TFCP2: variants seen among roughly 807,000 people sequenced by gnomAD.
TFCP2 encodes alpha-globin transcription factor CP2.
A neutral mutation model predicts 73.4 loss-of-function variants in TFCP2; 33 were observed. The ratio of observed to expected loss-of-function variants is 0.45; its 90% CI spans 0.34 to 0.60. The LOEUF is 0.60. Among genes scored for constraint, TFCP2 ranks in the 20% least tolerant of loss-of-function variants. The pLI, the probability that TFCP2 is intolerant of heterozygous loss-of-function variation, is 0.01. For missense variants in TFCP2, 352 were observed against 604.0 expected (o/e 0.58, Z 4.37); for synonymous variants, 193 against 211.6 (o/e 0.91, Z 0.76).
chr12:51,134,124 T>C (rs1414862913), intron 1 of TFCP2, among the ~76,000 whole-genome samples: 1 of 152,166 alleles, frequency 6.6e-6, no homozygotes, highest in Admixed American at 6.5e-5. Context: ...TCCTCCATCT[T>C]GTCACATGTT....
At chr12:51,120,537 T>C (rs1333017918) in intron 1 of TFCP2, among the ~76,000 whole-genome samples, 1 of 152,036 alleles carries the variant, frequency 6.6e-6, no homozygotes, top group African/African-American at 2.4e-5. Context: ...TGCTACGTGG[T>C]TGTAACTGTA....
rs920707811 is a variant in TFCP2, at chr12:51,172,477, G to A, written c.-55C>T. On this transcript the variant is annotated 5_prime_UTR_variant, in exon 1 of 15. Coordinates refer to ENST00000257915, the MANE Select transcript of TFCP2 (RefSeq NM_005653.5). ...CGTGTCTTGTACAAAGGCGCGGAGG[G>A]TAATTCTACCCAACAGGAGTAACGC... The A allele has an allele frequency of 5.6e-6, 9 of 1,607,982 alleles. No homozygotes were observed. The highest frequency in any genetic ancestry group is 2.2e-5 in the East Asian group (1 of 44,820).
chr12:51,119,687 T>C (rs979508291), intron 1 of TFCP2, among the ~76,000 whole-genome samples: 1 of 150,116 alleles, frequency 6.7e-6, no homozygotes, highest in East Asian at 2.0e-4. Flanking sequence ...GAGGTGGAGG[T>C]TGTAGTGAGC....
At chr12:51,112,188 A>T (rs1940419084) in intron 4 of TFCP2, among the ~76,000 whole-genome samples, 1 of 152,180 alleles carries the variant, frequency 6.6e-6, no homozygotes, top group Non-Finnish European at 1.5e-5. Context: ...TAAATTGAGA[A>T]ATAATAATTG....
intron 1 of TFCP2, chr12:51,125,383 T>C: frequency 4.2e-6 from 2 of 472,660 alleles, no homozygotes; most frequent in South Asian, 3.2e-5. Flanking sequence ...AAACTTACCG[T>C]GGACTCAAAC....
intron 1 of TFCP2, among the ~76,000 whole-genome samples, chr12:51,157,264 C>T (rs552570342): frequency 1.0e-3 from 153 of 152,016 alleles, no homozygotes; most frequent in African/African-American, 3.3e-3. Context: ...TCAAGTGATC[C>T]GCCCACCTCA....
rs184846459 is a variant in TFCP2, at chr12:51,142,020, C to T, written c.123-23248G>A. On this transcript the variant is annotated intron_variant, in intron 1 of 14. Coordinates refer to ENST00000257915, the MANE Select transcript of TFCP2 (RefSeq NM_005653.5). ...GAGTTTGAGACCAGCCTGACTGACA[C>T]GGTGAAACCCCGTCTCTACTAAAAA... Among the ~76,000 whole-genome samples the T allele has an allele frequency of 1.6e-4, 24 of 151,092 alleles. No homozygotes were observed. The East Asian group carries it at 3.3e-3, about 21-fold the overall frequency.
rs1031044440 is a variant in TFCP2, at chr12:51,150,779, G to A, written c.122+21522C>T. Among the ~76,000 whole-genome samples, 32 of 152,336 alleles carry A rather than the reference G, an allele frequency of 2.1e-4. 1 individual carries two copies. The highest frequency in any genetic ancestry group is 3.4e-3 in the Middle Eastern group (1 of 294). On this transcript the variant is annotated intron_variant, in intron 1 of 14. Transcript: ENST00000257915. Reference sequence around the variant, plus strand: ...GATAGTTGCCTCAGGAACTGCTATAGTACTTGCCTTTTTTAAGAAAATGGA... The same window carrying A: ...GATAGTTGCCTCAGGAACTGCTATAATACTTGCCTTTTTTAAGAAAATGGA...
chr12:51,112,821 C>A (rs969623529), intron 4 of TFCP2, among the ~76,000 whole-genome samples: 4 of 144,766 alleles, frequency 2.8e-5, no homozygotes, highest in Non-Finnish European at 6.0e-5. Flanking sequence ...GAGCCGAGAT[C>A]ATGCCATTGT....
At chr12:51,143,406 C>G (rs1014651451) in intron 1 of TFCP2, among the ~76,000 whole-genome samples, 2 of 149,094 alleles carry the variant, frequency 1.3e-5, no homozygotes, top group South Asian at 4.3e-4. Flanking sequence ...TTCCCTTATC[C>G]TCATGTCCCT....
At chr12:51,145,275 G>A (rs1941272072) in intron 1 of TFCP2, among the ~76,000 whole-genome samples, 2 of 151,390 alleles carry the variant, frequency 1.3e-5, no homozygotes, top group African/African-American at 4.9e-5. Flanking sequence ...CCAGCTACCT[G>A]GGAGGCTGAA....
chr12:51,147,804 T>C (rs1941330806), intron 1 of TFCP2, among the ~76,000 whole-genome samples: 1 of 151,938 alleles, frequency 6.6e-6, no homozygotes, highest in South Asian at 2.1e-4. Context: ...GAGACTTAAT[T>C]AAACTAAAAA....
chr12:51,142,282 T>C (rs530091854), intron 1 of TFCP2, among the ~76,000 whole-genome samples: 51 of 146,270 alleles, frequency 3.5e-4, no homozygotes, highest in African/African-American at 1.1e-3. Context: ...TGTGGATGAA[T>C]AGTCAAGACA....
intron 3 of TFCP2, among the ~76,000 whole-genome samples, chr12:51,117,376 A>G (rs1940554642): frequency 6.6e-6 from 1 of 152,200 alleles, no homozygotes; most frequent in South Asian, 2.1e-4. Flanking sequence ...AAAGATCTCA[A>G]GGAGGTTACT....
intron 9 of TFCP2, 74 bp downstream of exon 9, chr12:51,104,081 A>C: frequency 6.9e-7 from 1 of 1,449,894 alleles, no homozygotes; most frequent in East Asian, 2.3e-5. Context: ...AAAGTTGGGC[A>C]TTTCTACTGA....
At chr12:51,167,144 T>G (rs1270313761) in intron 1 of TFCP2, among the ~76,000 whole-genome samples, 1 of 152,086 alleles carries the variant, frequency 6.6e-6, no homozygotes, top group African/African-American at 2.4e-5. Context: ...CCTTTTAGTA[T>G]AAAGTTTGTG....
At chr12:51,126,914 T>C (rs1222301890) in intron 1 of TFCP2, among the ~76,000 whole-genome samples, 2 of 152,092 alleles carry the variant, frequency 1.3e-5, no homozygotes, top group Non-Finnish European at 2.9e-5. Context: ...GTGGGAAGGA[T>C]GTAAGGTCAG....
At chr12:51,120,133 G>A (rs1189443072) in intron 1 of TFCP2, among the ~76,000 whole-genome samples, 2 of 134,496 alleles carry the variant, frequency 1.5e-5, no homozygotes, top group East Asian at 2.1e-4. Context: ...AGCCGAGATC[G>A]TGGCACTGCA....
At position 51,098,936 on chromosome 12, in the gene TFCP2, C is replaced by T. The variant is rs77994694; in HGVS notation, c.1277-18G>A. On this transcript the variant is annotated intron_variant, in intron 12 of 14. Transcript: ENST00000257915. ...ATGGTAAACTGCAAAAGGGAGAGAGCAACAGCAGTCAGTACAAAGTTTGTC... is the reference window on the plus strand; with the variant it reads ...ATGGTAAACTGCAAAAGGGAGAGAGTAACAGCAGTCAGTACAAAGTTTGTC... 2 of 1,613,042 alleles carry T rather than the reference C, an allele frequency of 1.2e-6. No homozygotes were observed. The highest frequency in any genetic ancestry group is 2.2e-5 in the South Asian group (2 of 90,968).
Sources: gnomAD v4.1 joint callset for allele counts (sites outside exome capture counted in the v4.1 genomes callset) on GRCh38, gnomAD v4.1.1 for gene constraint, MANE v1.5 for transcripts, NCBI Gene and HGNC (gene_info 2026-07-23, HGNC 2026-07-21) for gene names.